DNAH12: variants seen among roughly 807,000 people sequenced by gnomAD.
DNAH12 encodes the protein axonemal beta dynein heavy chain 12.
Under a neutral mutation model 371.5 loss-of-function variants are expected in DNAH12, and 285 were observed. That is an observed-to-expected ratio of 0.77 (90% CI 0.70 to 0.85). The LOEUF is 0.85. Ranked by LOEUF, DNAH12 falls within the 40% of genes least tolerant of loss-of-function variation. The pLI is 0.00. For synonymous variants in DNAH12, 1,200 were observed against 1,213.0 expected (o/e 0.99, Z 0.22); for missense variants, 3,611 against 3,689.4 (o/e 0.98, Z 0.55).
intron 59 of DNAH12, among the ~76,000 whole-genome samples, chr3:57,352,626 C>T (rs1334524741): frequency 6.6e-6 from 1 of 151,660 alleles, no homozygotes; most frequent in Non-Finnish European, 1.5e-5. Context: ...TCTTATTCTG[C>T]CCCAAAGTGA....
intron 43 of DNAH12, among the ~76,000 whole-genome samples, chr3:57,401,522 C>A (rs1553678573): frequency 7.0e-6 from 1 of 142,024 alleles, no homozygotes; most frequent in Non-Finnish European, 1.5e-5. Flanking sequence ...CGAGATTGCA[C>A]CACTGCACTC....
At chr3:57,386,813 G>C (rs927922809) in intron 46 of DNAH12, among the ~76,000 whole-genome samples, 4 of 152,044 alleles carry the variant, frequency 2.6e-5, no homozygotes, top group African/African-American at 9.7e-5. Context: ...TATTCAAAAG[G>C]CACAAATCAA....
In DNAH12 at chr3:57,316,863, T is replaced by C. The variant is rs187440865; in HGVS notation, c.10525-2232A>G. ...AAGTTTCCCGAGGCTTCCCCAGCCA[T>C]GTGGAATTGTAAGTCAATTAAACCT... On this transcript the variant is annotated intron_variant, in intron 65 of 73. Transcript: ENST00000495027. Among the ~76,000 whole-genome samples the C allele has an allele frequency of 1.4e-3, 219 of 152,354 alleles. 2 individuals carry two copies. The highest frequency in any genetic ancestry group is 2.1e-4 in the Non-Finnish European group (14 of 68,032).
At position 57,446,587 on chromosome 3, in the gene DNAH12, A is replaced by G. The variant is rs996191246; in HGVS notation, c.3889T>C (p.Cys1297Arg). 2 of 1,550,550 alleles carry G rather than the reference A, an allele frequency of 1.3e-6. No individual in the cohort carries two copies. The highest frequency in any genetic ancestry group is 1.2e-5 in the South Asian group (1 of 83,736). Reference sequence around the variant, plus strand: ...CCATCAGAACAGTTGAACACCACACACTGTACAGCAAGAGCTTTAGCCAAG... The same window carrying G: ...CCATCAGAACAGTTGAACACCACACGCTGTACAGCAAGAGCTTTAGCCAAG... Reference protein sequence around the residue: ...KDLAKALAVQCVVFNCSDGLD... With the variant: ...KDLAKALAVQRVVFNCSDGLD... The change falls in exon 26 of 74, where the codon TGT (cysteine) becomes CGT (arginine). Residue 1297 changes from cysteine (C) to arginine (R), a missense_variant. By Grantham distance (180) the Cys-to-Arg change is radical. Around this residue, in one of 3 missense-constraint regions of DNAH12, gnomAD observed 2,266 missense variants for 2,236.9 expected, o/e 1.01. Transcript: ENST00000495027.
chr3:57,440,276 C>A (rs1402556539), intron 29 of DNAH12, among the ~76,000 whole-genome samples: 1 of 152,210 alleles, frequency 6.6e-6, no homozygotes, highest in Non-Finnish European at 1.5e-5. Flanking sequence ...TGGAATCAAC[C>A]TAGGTGCCCA....
chr3:57,403,467 C>T lies in DNAH12; in HGVS notation c.6790G>A (p.Val2264Ile). ...GCATTTCCACCAGATTGCTTTAGAA[C>T]TCGACATATTCTTGATAAATGTTCC... ...VLEHLSRICR[V>I]LKQSGGNALL... is the part of the protein sequence containing the mutation. The change falls in exon 43 of 74, where the codon GTT becomes ATT. Residue 2264 changes from valine to isoleucine, a missense_variant. By Grantham distance (29) the Val-to-Ile change is conservative. Coordinates refer to ENST00000495027, the MANE Select transcript of DNAH12 (RefSeq NM_001366028.2). 2 of 1,550,592 alleles carry T rather than the reference C, an allele frequency of 1.3e-6. No individual in the cohort carries two copies. Among genetic ancestry groups the T allele is most frequent in the East Asian group, 4.9e-5 (2 of 40,906 alleles).
At chr3:57,361,779 A>T (rs1174561711) in intron 58 of DNAH12, among the ~76,000 whole-genome samples, 2 of 152,004 alleles carry the variant, frequency 1.3e-5, no homozygotes, top group Non-Finnish European at 2.9e-5. Flanking sequence ...TTACCTATCC[A>T]ATAATAATAC....
chr3:57,509,948 T>G (rs1274062759), intron 5 of DNAH12, among the ~76,000 whole-genome samples: 3 of 147,508 alleles, frequency 2.0e-5, no homozygotes, highest in Non-Finnish European at 4.5e-5. Context: ...CCCTTGAAAA[T>G]TGTCAAGAGT....
intron 73 of DNAH12, among the ~76,000 whole-genome samples, 155 bp downstream of exon 73, chr3:57,295,370 A>G (rs2061211633): frequency 6.6e-6 from 1 of 152,202 alleles, no homozygotes; most frequent in South Asian, 2.1e-4. Flanking sequence ...ACAAAGAGAT[A>G]ATAATAATTT....
Position 57,538,581 on chromosome 3 carries a change from C to T in DNAH12, c.170+4120G>A, listed in dbSNP as rs1049294484. ...ACATTGTGTTATAACATACTCTGTG[C>T]TTATGACATCCTGCTCTTCTGCTTT... On this transcript the variant is annotated intron_variant, in intron 2 of 73. Coordinates refer to ENST00000495027, the MANE Select transcript of DNAH12 (RefSeq NM_001366028.2). Among the ~76,000 whole-genome samples the T allele has an allele frequency of 9.2e-5, 14 of 152,212 alleles. No individual in the cohort carries two copies. In the East Asian group the frequency reaches 2.7e-3, roughly 29 times the overall value.
Position 57,401,791 on chromosome 3 carries a change from G to GAA in DNAH12, c.6948+1516_6948+1517dup, listed in dbSNP as rs559805433. On this transcript the variant is annotated intron_variant, in intron 43 of 73. Transcript: ENST00000495027. The stretch of plus-strand genomic sequence containing the variant: ...GACTCAAATAACAAAAATCAGAAAT[G>GAA]AAAATAGTAGCACACTCTGGTAGCA... Among the ~76,000 whole-genome samples the GAA allele has an allele frequency of 1.3e-4, 20 of 152,018 alleles. No individual in the cohort carries two copies. In the South Asian group the frequency reaches 4.2e-3, roughly 32 times the overall value.
chr3:57,334,968 AT>A lies in DNAH12; in HGVS notation c.9675-29del, dbSNP rs547295503. 803 of 1,522,754 alleles carry A rather than the reference AT, an allele frequency of 5.3e-4. 3 individuals are homozygous for A. The African/African-American group carries it at 9.8e-3, about 18-fold the overall frequency. 94.3% of individuals were successfully genotyped at this position (1,522,754 alleles called of 1,614,324 possible). On this transcript the variant is annotated intron_variant, in intron 60 of 73. Coordinates refer to ENST00000495027, the MANE Select transcript of DNAH12 (RefSeq NM_001366028.2). Reference sequence around the variant, plus strand: ...GTATTCCCAAAATAAGGACTGTTATATAATTGTTGATTTTAAAATTGAATGA... The same window carrying A: ...GTATTCCCAAAATAAGGACTGTTATAAATTGTTGATTTTAAAATTGAATGA...
intron 62 of DNAH12, among the ~76,000 whole-genome samples, chr3:57,328,352 C>T (rs1018755016): frequency 4.1e-5 from 6 of 147,154 alleles, no homozygotes; most frequent in Non-Finnish European, 6.0e-5. Flanking sequence ...CATCAAAAAG[C>T]TTATCCACCA....
rs1352956944 is a variant in DNAH12, at chr3:57,405,839, G to T, written c.6390C>A (p.Asp2130Glu). ...VIRGCLLIER[D>E]AVANKHTMIR... ...TCATAGTGTGTTTGTTCGCCACGGC[G>T]TCTCTTTCAATGAGTAAACAGCCCC... is the stretch of plus-strand genomic sequence containing the variant. Residue 2130 changes from aspartate (D) to glutamate (E), a missense_variant, in exon 41 of 74, where the codon GAC becomes GAA. Physicochemically the swap from Asp to Glu is conservative, Grantham distance 45. This residue lies in a region of DNAH12 where 2,266 missense variants were observed against 2,236.9 expected (regional missense o/e 1.01). Transcript: ENST00000495027. The T allele has an allele frequency of 1.3e-6, 2 of 1,551,522 alleles. No homozygotes were observed. Among genetic ancestry groups the T allele is most frequent in the Admixed American group, 3.9e-5 (2 of 50,978 alleles).
At position 57,493,017 on chromosome 3, in the gene DNAH12, CA is replaced by C. The variant is rs533057330; in HGVS notation, c.1336-3331del. ...GAAACTCCATCTCAAAACAAACAAA[CA>C]AACAAACAAACAAACAAAACTTTAA... is the stretch of plus-strand genomic sequence containing the variant. On this transcript the variant is annotated intron_variant, in intron 11 of 73. Coordinates refer to ENST00000495027, the MANE Select transcript of DNAH12 (RefSeq NM_001366028.2). 3.2e-3 allele frequency among the ~76,000 whole-genome samples: 484 copies of C among 151,998 alleles called. 2 individuals are homozygous for C. Among genetic ancestry groups the C allele is most frequent in the African/African-American group, 0.011 (457 of 41,480 alleles).
At chr3:57,462,102 C>T (rs780570574) in intron 18 of DNAH12, among the ~76,000 whole-genome samples, 3 of 152,118 alleles carry the variant, frequency 2.0e-5, no homozygotes, top group African/African-American at 7.2e-5. Flanking sequence ...CAACAGTACT[C>T]TTAATGGAAA....
chr3:57,451,753 G>C (rs2065763133), intron 25 of DNAH12, among the ~76,000 whole-genome samples: 1 of 152,162 alleles, frequency 6.6e-6, no homozygotes, highest in Non-Finnish European at 1.5e-5. Flanking sequence ...GTGACCATCA[G>C]GTGATGGTCA....
At chr3:57,527,223 G>A (rs546619869) in intron 2 of DNAH12, among the ~76,000 whole-genome samples, 1 of 152,288 alleles carries the variant, frequency 6.6e-6, no homozygotes, top group Admixed American at 6.5e-5. Context: ...TAAGACAGGT[G>A]TGGTGACTCA....
intron 52 of DNAH12, among the ~76,000 whole-genome samples, 159 bp downstream of exon 52, chr3:57,378,999 C>T (rs2063334764): frequency 6.6e-6 from 1 of 152,226 alleles, no homozygotes; most frequent in Non-Finnish European, 1.5e-5. Context: ...ATATTCTCCT[C>T]GTCTGCTAGG....
Sources: gnomAD v4.1 joint callset for allele counts (sites outside exome capture counted in the v4.1 genomes callset) on GRCh38, gnomAD v4.1.1 for gene constraint, gnomAD v4.1.1 regional missense constraint, MANE v1.5 for transcripts, NCBI Gene and HGNC (gene_info 2026-07-23, HGNC 2026-07-21) for gene names.